The following POTEG variants were observed in gnomAD, a reference collection of about 807,000 sequenced individuals.
POTEG encodes the protein POTE ankyrin domain family member G.
POTEG carries 2 observed loss-of-function variants against 49.6 expected under a neutral mutation model. The observed-to-expected ratio is 0.04, with a 90% confidence interval of 0.02 to 0.13. The LOEUF (loss-of-function observed/expected upper bound fraction) is 0.13. POTEG is among the 10% of genes least tolerant of loss of function. The probability of loss-of-function intolerance (pLI) is 1.00; values close to 1 mark genes in which losing one functional copy is unlikely to be tolerated. For synonymous variants in POTEG, 7 were observed against 186.6 expected, an observed-to-expected ratio of 0.04 and a Z score of 7.84; for missense variants, 26 against 545.2, an observed-to-expected ratio of 0.05 and a Z score of 9.48.
chr14:19,432,447 CATAT>C (rs1419909055), intron 1 of POTEG, among the ~76,000 whole-genome samples: 13,934 of 59,982 alleles, frequency 0.23, 117 homozygotes, highest in Non-Finnish European at 0.31. Context: ...TATATATATA[CATAT>C]ATATATACAT....
intron 1 of POTEG, among the ~76,000 whole-genome samples, chr14:19,430,667 C>CTT (rs1287625778): frequency 8.0e-6 from 1 of 124,236 alleles, no homozygotes; most frequent in Non-Finnish European, 1.8e-5. Flanking sequence ...AGGCGTCTGG[C>CTT]TTATGTCTGA....
chr14:19,432,395 T>C (rs1345984993), intron 1 of POTEG, among the ~76,000 whole-genome samples: 2 of 93,300 alleles, frequency 2.1e-5, no homozygotes, highest in Admixed American at 1.2e-4. Context: ...TATATATATA[T>C]ATATATATAC....
At chr14:19,419,038 T>G (rs1489053380) in intron 6 of POTEG, among the ~76,000 whole-genome samples, 1 of 112,610 alleles carries the variant, frequency 8.9e-6, no homozygotes, top group Non-Finnish European at 1.7e-5. Flanking sequence ...GCCAACATAT[T>G]AAAACGAGTA....
chr14:19,415,828 AATTTTTTTTTTTTTTTTTTTT>A (rs1883537357), intron 7 of POTEG, among the ~76,000 whole-genome samples: 4 of 132,988 alleles, frequency 3.0e-5, no homozygotes, highest in African/African-American at 1.1e-4. Flanking sequence ...AATCTATTAA[AATTTTTTTTTTTTTTTTTTTT>A]TTTTTTTTTT....
At chr14:19,414,409 A>C (rs1883465469) in intron 8 of POTEG, among the ~76,000 whole-genome samples, 153 bp downstream of exon 8, 1 of 147,308 alleles carries the variant, frequency 6.8e-6, no homozygotes, top group South Asian at 2.2e-4. Flanking sequence ...TTAAAATTCA[A>C]TGTATAGAAT....
rs868827454 is a variant in POTEG, at chr14:19,414,927, T to C, written c.1198-321A>G. 1.3e-4 allele frequency among the ~76,000 whole-genome samples: 17 copies of C among 131,180 alleles called. 1 individual carries two copies. The highest frequency in any genetic ancestry group is 3.6e-4 in the African/African-American group (14 of 38,452). The allele number at this position is 131,180 out of a possible 152,430, so 86.1% of individuals were successfully genotyped here. ...TGTTCGGACTAAACTTAACTTGTTA[T>C]GTGTTAAATCTACCAAAAATGAATC... is the stretch of plus-strand genomic sequence containing the variant. On this transcript the variant is annotated intron_variant, in intron 7 of 10. Transcript: ENST00000547848.
At chr14:19,429,121 G>GA (rs1884057644) in intron 1 of POTEG, 132 bp from the exon 2 acceptor site, 1 of 223,628 alleles carries the variant, frequency 4.5e-6, no homozygotes, top group Non-Finnish European at 7.7e-6. Flanking sequence ...ACTTTCCCAT[G>GA]AAAAAAGCAC....
At chr14:19,414,774 T>A (rs1363935463) in intron 7 of POTEG, among the ~76,000 whole-genome samples, 168 bp from the exon 8 acceptor site, 2 of 146,626 alleles carry the variant, frequency 1.4e-5, no homozygotes, top group South Asian at 4.4e-4. Flanking sequence ...ATAATTAAAA[T>A]TAAGATTAAC....
At chr14:19,433,011 G>A (rs1240558550) in intron 1 of POTEG, among the ~76,000 whole-genome samples, 7 of 68,676 alleles carry the variant, frequency 1.0e-4, no homozygotes, top group Admixed American at 3.3e-4. Context: ...TGCAAGCTCC[G>A]CCTCCCGGGT....
chr14:19,425,493 G>T lies in POTEG; in HGVS notation c.917+113C>A, dbSNP rs1301079350. On this transcript the variant is annotated intron_variant, in intron 4 of 10. Coordinates refer to ENST00000547848, the MANE Select transcript of POTEG (RefSeq NM_001005356.3). ...AATTGTTTTTCTACCGAACTGATTTGTGTTCATACTGATCACTATATCCCA... is the reference window on the plus strand; with the variant it reads ...AATTGTTTTTCTACCGAACTGATTTTTGTTCATACTGATCACTATATCCCA... 8 of 307,960 alleles carry T rather than the reference G, an allele frequency of 2.6e-5. 1 individual carries two copies. Among genetic ancestry groups the T allele is most frequent in the African/African-American group, 2.2e-4 (8 of 36,858 alleles). 19.1% of individuals were successfully genotyped at this position (307,960 alleles called of 1,614,324 possible). A position where few individuals can be genotyped will look rare whatever the true frequency, so the allele number is the denominator to read the frequency against.
chr14:19,421,071 GTCC>G (rs371372002), intron 6 of POTEG: 6,864 of 40,740 alleles, frequency 0.17, 23 homozygotes, highest in Middle Eastern at 0.23. Flanking sequence ...CAGAGCAGGG[GTCC>G]TCAACTCCCA....
chr14:19,432,345 CA>C (rs1291139817), intron 1 of POTEG, among the ~76,000 whole-genome samples: 3,077 of 19,354 alleles, frequency 0.16, 15 homozygotes, highest in Non-Finnish European at 0.18. Flanking sequence ...GAGACTCCAT[CA>C]AAAAAAAAAA....
chr14:19,426,577 C>G (rs1415985698), intron 3 of POTEG, among the ~76,000 whole-genome samples: 1 of 152,158 alleles, frequency 6.6e-6, no homozygotes, highest in Non-Finnish European at 1.5e-5. Context: ...CTGCTCACAG[C>G]AAACTACTAA....
At chr14:19,424,838 C>T (rs1303868928) in intron 4 of POTEG, 1 of 41,870 alleles carries the variant, frequency 2.4e-5, no homozygotes, top group African/African-American at 7.3e-5. Context: ...AATGTATTCT[C>T]CTAATTTTCA....
At chr14:19,418,947 A>T (rs1883653704) in intron 6 of POTEG, among the ~76,000 whole-genome samples, 1 of 96,798 alleles carries the variant, frequency 1.0e-5, no homozygotes, top group Non-Finnish European at 1.9e-5. Context: ...CCAACAATTA[A>T]TGTTATTTCT....
In POTEG at chr14:19,415,048, C is replaced by T. The variant is rs1205456884; in HGVS notation, c.1198-442G>A. ...TGAGCCCCCACAGTGCACTGAAGTG[C>T]TTTTTTAAAAGATTCCTAACTGGAT... On this transcript the variant is annotated intron_variant, in intron 7 of 10. Coordinates refer to ENST00000547848, the MANE Select transcript of POTEG (RefSeq NM_001005356.3). Among the ~76,000 whole-genome samples, 2 of 145,538 alleles carry T rather than the reference C, an allele frequency of 1.4e-5. 1 individual carries two copies. The highest frequency in any genetic ancestry group is 1.4e-4 in the Admixed American group (2 of 14,680).
chr14:19,429,458 TTAAG>T (rs1204538425), intron 1 of POTEG, among the ~76,000 whole-genome samples: 2 of 59,458 alleles, frequency 3.4e-5, no homozygotes, highest in African/African-American at 1.1e-4. Context: ...AACATTTGAA[TTAAG>T]TGAGATGATA....
chr14:19,419,226 C>T (rs1883665064), intron 6 of POTEG, among the ~76,000 whole-genome samples: 1 of 26,884 alleles, frequency 3.7e-5, no homozygotes, highest in African/African-American at 2.7e-4. Context: ...AAACTATAGG[C>T]TACAGACTAA....
intron 1 of POTEG, among the ~76,000 whole-genome samples, chr14:19,432,366 G>T (rs61971028): frequency 0.046 from 1,716 of 36,978 alleles, 26 homozygotes; most frequent in South Asian, 0.058. Flanking sequence ...AAGAAATTTT[G>T]TATATATATA....
Sources: gnomAD v4.1 joint callset for allele counts (sites outside exome capture counted in the v4.1 genomes callset) on GRCh38, gnomAD v4.1.1 for gene constraint, MANE v1.5 for transcripts, NCBI Gene and HGNC (gene_info 2026-07-23, HGNC 2026-07-21) for gene names.